GAK: variants seen among roughly 807,000 people sequenced by gnomAD.
GAK encodes cyclin G associated kinase.
GAK carries 79 observed loss-of-function variants against 143.9 expected under a neutral mutation model. The observed-to-expected ratio is 0.55, with a 90% CI of 0.46 to 0.66. The LOEUF (loss-of-function observed/expected upper bound fraction) is 0.66. GAK is among the 30% of genes least tolerant of loss of function. The pLI, the probability that GAK is intolerant of heterozygous loss-of-function variation, is 0.00. For missense variants in GAK, 1,693 were observed against 1,779.7 expected, an observed-to-expected ratio of 0.95 and a Z score of 0.88; for synonymous variants, 881 against 765.5, an observed-to-expected ratio of 1.15 and a Z score of -2.49.
chr4:893,639 CA>C, intron 8 of GAK, 150 bp from the exon 9 acceptor site: 1 of 741,326 alleles, frequency 1.3e-6, no homozygotes, highest in Non-Finnish European at 2.1e-6. Context: ...AAGGGAAGAA[CA>C]AAAACCGAAC....
intron 9 of GAK, among the ~76,000 whole-genome samples, chr4:891,076 G>A (rs1371373650): frequency 6.6e-6 from 1 of 151,728 alleles, no homozygotes; most frequent in East Asian, 1.9e-4. Flanking sequence ...TCCTGCCTCA[G>A]CCTCCCAGAG....
At chr4:902,500 G>T (rs1720057073) in intron 5 of GAK, among the ~76,000 whole-genome samples, 1 of 148,102 alleles carries the variant, frequency 6.8e-6, no homozygotes, top group Non-Finnish European at 1.5e-5. Context: ...TACTCAGGAG[G>T]CTCAGGTGGG....
intron 15 of GAK, among the ~76,000 whole-genome samples, chr4:879,194 G>A (rs1283613730): frequency 2.0e-5 from 3 of 152,158 alleles, no homozygotes; most frequent in African/African-American, 4.8e-5. Flanking sequence ...TGACTAGTAC[G>A]CTCTTCCCCC....
intron 24 of GAK, among the ~76,000 whole-genome samples, chr4:858,881 TG>T (rs1358496550): frequency 6.6e-6 from 1 of 152,184 alleles, no homozygotes; most frequent in Non-Finnish European, 1.5e-5. Context: ...TGCCATAGCC[TG>T]GGGCTGCATG....
At chr4:866,329 C>G (rs957630121) in intron 22 of GAK, 35 bp downstream of exon 22, 1 of 1,604,476 alleles carries the variant, frequency 6.2e-7, no homozygotes. Context: ...GGGAGGCGGC[C>G]ATGGAGAGCT....
At chr4:875,465 C>A (rs1200444282) in intron 18 of GAK, among the ~76,000 whole-genome samples, 1 of 152,234 alleles carries the variant, frequency 6.6e-6, no homozygotes, top group African/African-American at 2.4e-5. Flanking sequence ...CAGGCCAGCA[C>A]CCCTCCCAAG....
rs137997855 is a variant in GAK at position 879,383 on chromosome 4, C to T, written c.1662-1574G>A. Among the ~76,000 whole-genome samples, 134 of 152,316 alleles carry T rather than the reference C, an allele frequency of 8.8e-4. 5 individuals are homozygous for T. The East Asian group carries it at 0.025, about 29-fold the overall frequency. On this transcript the variant is annotated intron_variant, in intron 15 of 27. Coordinates refer to ENST00000314167, the MANE Select transcript of GAK (RefSeq NM_005255.4). ...AATCTACCATCTTGCTGGCTGTTTC[C>T]TACTTGTTTGATCTGTTCTTGGTTT...
intron 22 of GAK, among the ~76,000 whole-genome samples, chr4:865,946 C>T (rs1239296861): frequency 6.6e-6 from 1 of 152,280 alleles, no homozygotes; most frequent in Non-Finnish European, 1.5e-5. Flanking sequence ...TGCCCCACGG[C>T]CCCTGCTACA....
chr4:883,973 G>A (rs1715706720), intron 12 of GAK, 64 bp downstream of exon 12: 1 of 1,422,148 alleles, frequency 7.0e-7, no homozygotes, highest in Admixed American at 1.7e-5. Flanking sequence ...ACACACAACA[G>A]GGACTCACTG....
At chr4:917,756 C>T (rs893492835) in intron 1 of GAK, among the ~76,000 whole-genome samples, 1 of 151,920 alleles carries the variant, frequency 6.6e-6, no homozygotes, top group African/African-American at 2.4e-5. Context: ...TGACATGTGC[C>T]GAAACATTTA....
At chr4:899,436 A>G (rs1250400085) in intron 5 of GAK, among the ~76,000 whole-genome samples, 1 of 151,808 alleles carries the variant, frequency 6.6e-6, no homozygotes, top group Non-Finnish European at 1.5e-5. Flanking sequence ...CACAGGCAGC[A>G]CAGGGCTCCG....
chr4:860,633 CT>C (rs1295420717), intron 23 of GAK, among the ~76,000 whole-genome samples: 5 of 152,308 alleles, frequency 3.3e-5, no homozygotes. Flanking sequence ...GCAGTTGCCC[CT>C]GGGCAAAGAC....
At chr4:897,659 TAA>T (rs908098514) in intron 6 of GAK, among the ~76,000 whole-genome samples, 1 of 152,148 alleles carries the variant, frequency 6.6e-6, no homozygotes, top group African/African-American at 2.4e-5. Flanking sequence ...CTCTAAAAAA[TAA>T]AGTCTGTTTA....
chr4:889,364 T>C (rs1161126418), intron 10 of GAK, among the ~76,000 whole-genome samples: 1 of 152,070 alleles, frequency 6.6e-6, no homozygotes, highest in Non-Finnish European at 1.5e-5. Flanking sequence ...ACCCTGGACG[T>C]GAAGGCAGAG....
chr4:857,204 C>T (rs895191644), intron 24 of GAK, among the ~76,000 whole-genome samples: 1 of 151,968 alleles, frequency 6.6e-6, no homozygotes, highest in Non-Finnish European at 1.5e-5. Flanking sequence ...CTTTATATAC[C>T]GATAAATCCT....
intron 1 of GAK, among the ~76,000 whole-genome samples, chr4:918,871 A>C (rs1392931479): frequency 7.4e-6 from 1 of 135,000 alleles, no homozygotes; most frequent in Non-Finnish European, 1.7e-5. Flanking sequence ...AGAAAGACAG[A>C]AGGCTCCAAA....
intron 1 of GAK, among the ~76,000 whole-genome samples, chr4:930,760 T>C (rs1725554058): frequency 6.6e-6 from 1 of 152,174 alleles, no homozygotes; most frequent in Non-Finnish European, 1.5e-5. Flanking sequence ...AAGAAGAGCT[T>C]AGACTTTCTG....
chr4:860,026 A>G (rs549949654), intron 23 of GAK, among the ~76,000 whole-genome samples: 2 of 152,218 alleles, frequency 1.3e-5, no homozygotes, highest in Non-Finnish European at 2.9e-5. Flanking sequence ...TAAAATGTGA[A>G]TGCTCTTCAG....
intron 23 of GAK, among the ~76,000 whole-genome samples, chr4:864,131 C>T (rs1205438935): frequency 6.6e-5 from 10 of 152,178 alleles, no homozygotes; most frequent in Non-Finnish European, 1.3e-4. Context: ...GGCTGAGGTG[C>T]ATGCATCGCC....
Sources: gnomAD v4.1 joint callset for allele counts (sites outside exome capture counted in the v4.1 genomes callset) on GRCh38, gnomAD v4.1.1 for gene constraint, MANE v1.5 for transcripts, NCBI Gene and HGNC (gene_info 2026-07-23, HGNC 2026-07-21) for gene names.